Variants in TMEM161B observed in about 807,000 individuals in gnomAD.
TMEM161B encodes transmembrane protein 161B.
Under a neutral mutation model 61.8 loss-of-function variants are expected in TMEM161B, and 34 were observed. The observed-to-expected ratio is 0.55, with a 90% confidence interval of 0.42 to 0.73. The LOEUF (loss-of-function observed/expected upper bound fraction) is 0.73. Ranked by LOEUF, TMEM161B falls within the 30% of genes least tolerant of loss-of-function variation. The probability of loss-of-function intolerance (pLI) is 0.00; values close to 1 mark genes in which losing one functional copy is unlikely to be tolerated. For missense variants in TMEM161B, 456 were observed against 558.5 expected (o/e 0.82, Z 1.85); for synonymous variants, 167 against 192.8 (o/e 0.87, Z 1.11).
chr5:88,202,969 T>C lies in TMEM161B; in HGVS notation c.907A>G (p.Ile303Val). 6.2e-7 allele frequency: 1 copy of C among 1,604,392 alleles called. No individual in the cohort carries two copies. Among genetic ancestry groups the C allele is most frequent in the Admixed American group, 1.7e-5 (1 of 59,908 alleles). Residue 303 changes from isoleucine to valine, a missense_variant, in exon 9 of 12, where the codon ATC (isoleucine) becomes GTC (valine). This residue lies in a region of TMEM161B where 367 missense variants were observed against 427.3 expected (regional missense o/e 0.86). Coordinates refer to ENST00000296595, the MANE Select transcript of TMEM161B (RefSeq NM_153354.5). Reference sequence around the variant, plus strand: ...TCAAATGCCCATACTTACAAAGGGATACTTTCTTTGCCCAGTGGTGGGTTC... The same window carrying C: ...TCAAATGCCCATACTTACAAAGGGACACTTTCTTTGCCCAGTGGTGGGTTC... ...IMNPPLGKESIPLMTEATFDT... is the reference protein window; with the variant it reads ...IMNPPLGKESVPLMTEATFDT...
intron 10 of TMEM161B, chr5:88,198,764 A>G: frequency 1.9e-6 from 1 of 514,842 alleles, no homozygotes; most frequent in Non-Finnish European, 3.4e-6. Context: ...GTATGACACC[A>G]AGCACTTAAG....
intron 1 of TMEM161B, among the ~76,000 whole-genome samples, chr5:88,260,575 C>T (rs1755554100): frequency 6.6e-6 from 1 of 152,158 alleles, no homozygotes; most frequent in Non-Finnish European, 1.5e-5. Flanking sequence ...CCTCAGCCTC[C>T]CAAGTAGCTG....
downstream of TMEM161B, among the ~76,000 whole-genome samples, chr5:88,194,260 CTGAG>C (rs1230346185): frequency 6.6e-6 from 1 of 152,072 alleles, no homozygotes; most frequent in African/African-American, 2.4e-5. Context: ...TTTTCTGTTT[CTGAG>C]TTAGTTCACT....
intron 1 of TMEM161B, among the ~76,000 whole-genome samples, chr5:88,252,914 A>T (rs886554357): frequency 6.6e-6 from 1 of 152,196 alleles, no homozygotes; most frequent in African/African-American, 2.4e-5. Flanking sequence ...GTTCCATTCG[A>T]TTACTGTCTT....
rs564274581 is a variant in TMEM161B, at chr5:88,210,192, T to G, written c.447-3012A>C. 5.9e-5 allele frequency among the ~76,000 whole-genome samples: 9 copies of G among 152,322 alleles called. No homozygotes were observed. The East Asian group carries it at 1.5e-3, about 26-fold the overall frequency. On this transcript the variant is annotated intron_variant, in intron 5 of 11. Coordinates refer to ENST00000296595, the MANE Select transcript of TMEM161B (RefSeq NM_153354.5). ...CCGCCAGTCCACAACCTCACAGGGC[T>G]ATTTTGAAAAGCAAAGATTAAGTCT...
At chr5:88,217,733 A>G (rs1231154521) in intron 5 of TMEM161B, among the ~76,000 whole-genome samples, 2 of 152,156 alleles carry the variant, frequency 1.3e-5, no homozygotes, top group East Asian at 1.9e-4. Context: ...GCCTACCCAT[A>G]TGATTCAGCA....
chr5:88,268,807 G>A lies in TMEM161B; in HGVS notation c.-84C>T. ...TCTTACCTCCCGGTCCTTGAGCCGA[G>A]AGACTCTCAAACAGCGAAAGAGAGG... On this transcript the variant is annotated 5_prime_UTR_variant, in exon 1 of 12. Transcript: ENST00000296595. The A allele has an allele frequency of 1.9e-6, 3 of 1,607,616 alleles. No individual in the cohort carries two copies. Among genetic ancestry groups the A allele is most frequent in the Non-Finnish European group, 2.6e-6 (3 of 1,175,688 alleles).
At position 88,198,966 on chromosome 5, in the gene TMEM161B, T is replaced by C; in HGVS notation, c.1089+10A>G. ...GCTATTTTTCATTTTGACTAGGGTA[T>C]AAAACTTACCATTTTCTGTAGCTCA... On this transcript the variant is annotated intron_variant, in intron 10 of 11. Transcript: ENST00000296595. 2 of 1,609,088 alleles carry C rather than the reference T, an allele frequency of 1.2e-6. No homozygotes were observed. The highest frequency in any genetic ancestry group is 1.1e-5 in the South Asian group (1 of 90,404).
At chr5:88,233,278 T>A (rs1046953872) in intron 2 of TMEM161B, among the ~76,000 whole-genome samples, 1 of 152,100 alleles carries the variant, frequency 6.6e-6, no homozygotes, top group African/African-American at 2.4e-5. Flanking sequence ...GTGGTGAAAA[T>A]GTGAGAGACA....
In TMEM161B at chr5:88,197,713, G is replaced by A. The variant is rs771458040; in HGVS notation, c.1142C>T (p.Pro381Leu). 6.2e-7 allele frequency: 1 copy of A among 1,613,018 alleles called. No individual in the cohort carries two copies. The highest frequency in any genetic ancestry group is 1.7e-5 in the Admixed American group (1 of 59,956). The part of the protein sequence containing the change: ...LCVIALQYVA[P>L]LVMLLHTTLL... ...AGTTGTGTGAAGCAGCATTACCAGA[G>A]GCGCCACATACTGCAGTGCAATGAC... The change falls in exon 11 of 12, where the codon CCT (proline) becomes CTT (leucine). Residue 381 changes from proline (P) to leucine (L), a missense_variant. Pro to Leu is a moderately conservative substitution (Grantham distance 98). This residue lies in a region of TMEM161B where 367 missense variants were observed against 427.3 expected (regional missense o/e 0.86). Coordinates refer to ENST00000296595, the MANE Select transcript of TMEM161B (RefSeq NM_153354.5).
intron 1 of TMEM161B, among the ~76,000 whole-genome samples, chr5:88,249,739 A>G (rs1168600149): frequency 6.6e-6 from 1 of 152,116 alleles, no homozygotes; most frequent in Non-Finnish European, 1.5e-5. Flanking sequence ...TCACTGAAGG[A>G]CTGGATACAC....
rs538590264 is a variant in TMEM161B, at chr5:88,196,101, T to C, written c.*110A>G. On this transcript the variant is annotated 3_prime_UTR_variant, in exon 12 of 12. Coordinates refer to ENST00000296595, the MANE Select transcript of TMEM161B (RefSeq NM_153354.5). ...ATTTAATACAAGACATTCTGATATG[T>C]TTTTTTTTTCCCATTGTATTTGCTT... is the stretch of plus-strand genomic sequence containing the variant. 3.6e-6 allele frequency: 5 copies of C among 1,380,086 alleles called. No individual in the cohort carries two copies. Among genetic ancestry groups the C allele is most frequent in the East Asian group, 2.6e-5 (1 of 37,936 alleles). The allele number at this position is 1,380,086 out of a possible 1,614,324, so 85.5% of individuals were successfully genotyped here.
At chr5:88,191,982 G>GTA (rs67658909), downstream of TMEM161B, among the ~76,000 whole-genome samples, 92 of 19,632 alleles carry the variant, frequency 4.7e-3, 1 homozygote, top group African/African-American at 7.1e-3. Flanking sequence ...AAAAAAAAGT[G>GTA]TATATATATA....
At chr5:88,255,179 C>T (rs1754807707) in intron 1 of TMEM161B, among the ~76,000 whole-genome samples, 1 of 152,068 alleles carries the variant, frequency 6.6e-6, no homozygotes, top group Admixed American at 6.5e-5. Flanking sequence ...TGGTTATTTC[C>T]AATAGGTTCT....
chr5:88,202,831 T>C (rs1744676429), intron 9 of TMEM161B, 131 bp downstream of exon 9: 2 of 721,106 alleles, frequency 2.8e-6, no homozygotes, highest in Admixed American at 2.5e-5. Context: ...TTCTAACACA[T>C]CTTTTAGCAT....
chr5:88,267,760 C>T (rs540134355), intron 1 of TMEM161B, among the ~76,000 whole-genome samples: 1 of 152,156 alleles, frequency 6.6e-6, no homozygotes, highest in Non-Finnish European at 1.5e-5. Context: ...CCTTGTTTAC[C>T]TATAACAAGG....
chr5:88,264,270 G>A (rs1463082878), intron 1 of TMEM161B, among the ~76,000 whole-genome samples: 7 of 152,036 alleles, frequency 4.6e-5, no homozygotes, highest in South Asian at 2.1e-4. Flanking sequence ...AAAAGTAGGC[G>A]AAGGATATGA....
At chr5:88,186,961 C>T (rs2112290140), downstream of TMEM161B, among the ~76,000 whole-genome samples, 1 of 152,226 alleles carries the variant, frequency 6.6e-6, no homozygotes, top group African/African-American at 2.4e-5. Context: ...ACTTTGTGTC[C>T]TAAGAAATCT....
intron 2 of TMEM161B, among the ~76,000 whole-genome samples, chr5:88,235,885 C>A (rs1751767092): frequency 6.6e-6 from 1 of 152,196 alleles, no homozygotes; most frequent in Non-Finnish European, 1.5e-5. Context: ...ACATTATATA[C>A]ACTTGTTAGA....
Sources: gnomAD v4.1 joint callset for allele counts (sites outside exome capture counted in the v4.1 genomes callset) on GRCh38, gnomAD v4.1.1 for gene constraint, gnomAD v4.1.1 regional missense constraint, MANE v1.5 for transcripts, NCBI Gene and HGNC (gene_info 2026-07-23, HGNC 2026-07-21) for gene names.